ZSCAN5A: variants seen among roughly 807,000 people sequenced by gnomAD.
ZSCAN5A encodes zinc finger and SCAN domain-containing protein 5A.
A neutral mutation model predicts 23.7 loss-of-function variants in ZSCAN5A; 12 were observed. The observed-to-expected ratio is 0.51, with a 90% confidence interval of 0.32 to 0.82. The LOEUF (loss-of-function observed/expected upper bound fraction) is 0.82. Among genes scored for constraint, ZSCAN5A ranks in the 40% least tolerant of loss-of-function variants. The probability of loss-of-function intolerance (pLI) is 0.03; values close to 1 mark genes in which losing one functional copy is unlikely to be tolerated. For synonymous variants in ZSCAN5A, 257 were observed against 239.9 expected (o/e 1.07, Z -0.66); for missense variants, 597 against 617.9 (o/e 0.97, Z 0.36).
At chr19:56,268,834 A>G (rs1394986729) in intron 2 of ZSCAN5A, among the ~76,000 whole-genome samples, 1 of 152,124 alleles carries the variant, frequency 6.6e-6, no homozygotes, top group East Asian at 1.9e-4. Context: ...TTCTGTCTCT[A>G]AGGATTTACT....
intron 2 of ZSCAN5A, among the ~76,000 whole-genome samples, chr19:56,226,274 C>T (rs985450962): frequency 1.7e-4 from 26 of 152,090 alleles, no homozygotes; most frequent in Non-Finnish European, 3.5e-4. Flanking sequence ...GGGAGACAAT[C>T]GGCAGAGGCG....
chr19:56,338,312 T>C (rs2041560383), intron 2 of ZSCAN5A: 1 of 152,064 alleles, frequency 6.6e-6, no homozygotes, highest in Admixed American at 6.5e-5. Context: ...CAGCTTCTTC[T>C]TTAGGCATTG....
At chr19:56,269,166 C>T (rs1017313658) in intron 2 of ZSCAN5A, among the ~76,000 whole-genome samples, 7 of 152,132 alleles carry the variant, frequency 4.6e-5, no homozygotes, top group Admixed American at 6.5e-5. Flanking sequence ...CAGGGTTATA[C>T]GGTAGCCCTA....
intron 2 of ZSCAN5A, among the ~76,000 whole-genome samples, chr19:56,249,779 A>C (rs1350158896): frequency 2.0e-5 from 3 of 151,944 alleles, no homozygotes; most frequent in African/African-American, 7.3e-5. Flanking sequence ...CTTCTTTTCC[A>C]TCCAAGGCGC....
chr19:56,261,171 G>A (rs561859271), intron 2 of ZSCAN5A, among the ~76,000 whole-genome samples: 35 of 151,222 alleles, frequency 2.3e-4, no homozygotes, highest in Non-Finnish European at 4.1e-4. Flanking sequence ...TTGTGCCACT[G>A]CACTCCAGCC....
intron 2 of ZSCAN5A, among the ~76,000 whole-genome samples, chr19:56,254,415 C>A (rs1003690347): frequency 1.3e-5 from 2 of 152,194 alleles, no homozygotes; most frequent in East Asian, 1.9e-4. Flanking sequence ...CAAATGAGGT[C>A]TTTGTAGCAT....
Position 56,313,304 on chromosome 19 carries a change from C to A in ZSCAN5A, c.-149G>T. 3.0e-6 allele frequency: 1 copy of A among 338,376 alleles called. No homozygotes were observed. Among genetic ancestry groups the A allele is most frequent in the Non-Finnish European group, 5.8e-6 (1 of 171,168 alleles). 21.0% of individuals were successfully genotyped at this position (338,376 alleles called of 1,614,324 possible). On this transcript the variant is annotated 5_prime_UTR_variant, in exon 2 of 6. Coordinates refer to ENST00000683990, the MANE Select transcript of ZSCAN5A (RefSeq NM_001322064.3). ...TTACAGTTTCACGTGGCTGGGGAGG[C>A]CTCACAATCATGGCAGAAGGTCAAA...
At chr19:56,305,046 T>C (rs2304121) in intron 2 of ZSCAN5A, among the ~76,000 whole-genome samples, 33,244 of 152,152 alleles carry the variant, frequency 0.22, 4,677 homozygotes, top group African/African-American at 0.39. Context: ...ATGACAGGGA[T>C]GTGCCGGGCA....
intron 2 of ZSCAN5A, among the ~76,000 whole-genome samples, chr19:56,362,572 AT>A (rs1249276108): frequency 1.3e-5 from 2 of 151,742 alleles, no homozygotes; most frequent in Admixed American, 1.3e-4. Context: ...ATAAAATAAA[AT>A]AAAATAAAAA....
intron 2 of ZSCAN5A, among the ~76,000 whole-genome samples, chr19:56,277,539 T>A (rs936287170): frequency 2.2e-5 from 3 of 136,306 alleles, no homozygotes; most frequent in Non-Finnish European, 4.8e-5. Flanking sequence ...GGGTGAGGGG[T>A]GGGGGAATTT....
intron 2 of ZSCAN5A, chr19:56,320,560 C>T (rs764679705): frequency 4.5e-5 from 22 of 494,022 alleles, no homozygotes; most frequent in South Asian, 6.3e-5. Flanking sequence ...TGCAGTGAGC[C>T]GAGATCATAC....
At chr19:56,268,797 C>T (rs1219104799) in intron 2 of ZSCAN5A, among the ~76,000 whole-genome samples, 1 of 152,144 alleles carries the variant, frequency 6.6e-6, no homozygotes, top group Non-Finnish European at 1.5e-5. Context: ...CCTCCCCATT[C>T]CTAGTCCCCG....
intron 2 of ZSCAN5A, among the ~76,000 whole-genome samples, chr19:56,288,046 A>G (rs2039256756): frequency 1.3e-5 from 2 of 152,080 alleles, no homozygotes; most frequent in South Asian, 2.1e-4. Context: ...GCACAAGGAG[A>G]TGGAGTGAGT....
chr19:56,244,168 T>G, intron 2 of ZSCAN5A: 2 of 1,611,128 alleles, frequency 1.2e-6, no homozygotes, highest in Non-Finnish European at 1.7e-6. Context: ...ACCCTGAGAC[T>G]TGTCACGTGA....
chr19:56,308,616 G>A (rs939030800), intron 2 of ZSCAN5A, among the ~76,000 whole-genome samples: 6 of 148,976 alleles, frequency 4.0e-5, no homozygotes, highest in African/African-American at 7.5e-5. Context: ...GAGCCACCAC[G>A]CCCCCCCATA....
chr19:56,308,179 G>A (rs1279306390), intron 2 of ZSCAN5A, among the ~76,000 whole-genome samples: 2 of 148,850 alleles, frequency 1.3e-5, no homozygotes, highest in Non-Finnish European at 3.0e-5. Context: ...GACTACAGGC[G>A]AGTGCCACCA....
intron 2 of ZSCAN5A, among the ~76,000 whole-genome samples, chr19:56,277,018 G>A (rs1057358312): frequency 6.6e-6 from 1 of 152,028 alleles, no homozygotes. Context: ...CAGAAAAATG[G>A]AAGCCAAAGC....
chr19:56,237,997 G>GGA (rs1568627646), intron 2 of ZSCAN5A, among the ~76,000 whole-genome samples: 1 of 10,196 alleles, frequency 9.8e-5, no homozygotes, highest in Non-Finnish European at 1.9e-4. Flanking sequence ...ACACACATAC[G>GGA]CACACATACA....
chr19:56,364,954 A>C (rs1568769369), intron 1 of ZSCAN5A: 1 of 152,200 alleles, frequency 6.6e-6, no homozygotes, highest in Non-Finnish European at 1.5e-5. Flanking sequence ...AATATTCTTT[A>C]CCTTCTAGGT....
Sources: allele counts gnomAD v4.1 joint callset (sites outside exome capture counted in the v4.1 genomes callset), GRCh38; gene constraint gnomAD v4.1.1; transcripts MANE v1.5; gene names NCBI Gene and HGNC (gene_info 2026-07-23, HGNC 2026-07-21).